Variants in SPRY3 observed in about 807,000 individuals in gnomAD.
The protein encoded by SPRY3 is protein sprouty homolog 3.
SPRY3 carries 15 observed loss-of-function variants against 20.2 expected under a neutral mutation model. The observed-to-expected ratio is 0.74, with a 90% confidence interval of 0.50 to 1.14. The LOEUF (loss-of-function observed/expected upper bound fraction) is 1.14, where lower values mean the gene tolerates loss of function less well. Among genes scored for constraint, SPRY3 ranks in the 50% most tolerant of loss-of-function variants. The pLI, the probability that SPRY3 is intolerant of heterozygous loss-of-function variation, is 0.00. For missense variants in SPRY3, 364 were observed against 363.9 expected (o/e 1.00, Z 0.00); for synonymous variants, 143 against 136.5 (o/e 1.05, Z -0.33).
chrX:155,774,672 C>T (rs1458007760), exon 4 of SPRY3: 3 of 1,613,950 alleles, frequency 1.9e-6, no homozygotes, highest in Non-Finnish European at 2.5e-6. Context: ...GGCACACCAA[C>T]ACTGTGTGCA....
At chrX:155,777,109 C>G (rs1315924971), downstream of SPRY3, 1 of 166,954 alleles carries the variant, frequency 6.0e-6, no homozygotes, top group Non-Finnish European at 1.5e-5. Flanking sequence ...TTGTACTTTA[C>G]ACTTATCTAC....
At chrX:155,730,922 A>G (rs2091128676) in intron 2 of SPRY3, among the ~76,000 whole-genome samples, 4 of 152,124 alleles carry the variant, frequency 2.6e-5, no homozygotes, top group Non-Finnish European at 5.9e-5. Flanking sequence ...AATAGCTACA[A>G]GTAAAATCAA....
At chrX:155,697,158 A>G (rs1470353540) in intron 2 of SPRY3, among the ~76,000 whole-genome samples, 2 of 111,286 alleles carry the variant, frequency 1.8e-5, no homozygotes, top group African/African-American at 6.5e-5. Context: ...GGGTGTTTCG[A>G]CATGAGGTTA....
At chrX:155,728,244 T>A (rs2091112354) in intron 2 of SPRY3, among the ~76,000 whole-genome samples, 1 of 152,040 alleles carries the variant, frequency 6.6e-6, no homozygotes, top group Non-Finnish European at 1.5e-5. Context: ...TACTGGGAGG[T>A]GTCTCCTAGT....
At chrX:155,749,039 T>C (rs1038620599) in intron 2 of SPRY3, among the ~76,000 whole-genome samples, 1 of 151,762 alleles carries the variant, frequency 6.6e-6, no homozygotes, top group African/African-American at 2.4e-5. Flanking sequence ...TATGGATAAA[T>C]AGGATTTAGA....
At chrX:155,770,707 G>C (rs1327821616) in intron 3 of SPRY3, among the ~76,000 whole-genome samples, 1 of 151,464 alleles carries the variant, frequency 6.6e-6, no homozygotes, top group Non-Finnish European at 1.5e-5. Flanking sequence ...AACTGTTGCT[G>C]CTCACAATGA....
downstream of SPRY3, chrX:155,780,761 A>G (rs1484854841): frequency 6.0e-6 from 1 of 166,968 alleles, no homozygotes; most frequent in Non-Finnish European, 1.5e-5. Context: ...AAGACCTCCC[A>G]AAGAGGAGAA....
At chrX:155,738,363 C>A (rs2091182865) in intron 2 of SPRY3, among the ~76,000 whole-genome samples, 1 of 151,406 alleles carries the variant, frequency 6.6e-6, no homozygotes, top group Non-Finnish European at 1.5e-5. Flanking sequence ...AAAAATCAAA[C>A]AATCCAATTA....
intron 2 of SPRY3, among the ~76,000 whole-genome samples, chrX:155,661,653 C>G (rs782024211): frequency 1.8e-5 from 2 of 111,363 alleles, no homozygotes; most frequent in African/African-American, 3.3e-5. Flanking sequence ...TTCTTCTTCT[C>G]CATCAGGAAT....
At chrX:155,619,515 C>G (rs1557349228) in intron 1 of SPRY3, among the ~76,000 whole-genome samples, 2 of 110,745 alleles carry the variant, frequency 1.8e-5, no homozygotes, top group African/African-American at 6.5e-5. Flanking sequence ...ACCTCAAACT[C>G]TACCTCATAC....
rs200199749 is a variant in SPRY3 at position 155,613,802 on chromosome X, AT to A, written c.-441+1163del. Among the ~76,000 whole-genome samples, 1,032 of 109,974 alleles carry A rather than the reference AT, an allele frequency of 9.4e-3. 11 individuals are homozygous for A. Among genetic ancestry groups the A allele is most frequent in the Non-Finnish European group, 0.016 (839 of 52,634 alleles). On this transcript the variant is annotated intron_variant, in intron 1 of 3. Coordinates refer to ENST00000675360, the Ensembl canonical transcript of SPRY3. ...CTGTCTTTCCCAGATAAGTTTGTAT[AT>A]TTTTTTTCCCTAGGTCCAGTATGCC...
At chrX:155,660,591 G>A (rs782390567) in intron 2 of SPRY3, among the ~76,000 whole-genome samples, 59 of 111,125 alleles carry the variant, frequency 5.3e-4, no homozygotes, top group Admixed American at 1.6e-3. Context: ...TTTCTGCCTC[G>A]GTGATCTGTC....
chrX:155,662,793 C>G (rs1319362777), intron 2 of SPRY3, among the ~76,000 whole-genome samples: 1 of 109,087 alleles, frequency 9.2e-6, no homozygotes, highest in Non-Finnish European at 1.9e-5. Flanking sequence ...GGTTCAAATG[C>G]CTGTAAGGGA....
At chrX:155,732,104 C>A (rs757585753) in intron 2 of SPRY3, among the ~76,000 whole-genome samples, 5 of 151,756 alleles carry the variant, frequency 3.3e-5, no homozygotes, top group Non-Finnish European at 2.9e-5. Flanking sequence ...AGTTTTTGGC[C>A]GAAGATTCAT....
At chrX:155,672,039 G>T (rs1490428998) in intron 2 of SPRY3, among the ~76,000 whole-genome samples, 1 of 111,400 alleles carries the variant, frequency 9.0e-6, no homozygotes, top group Non-Finnish European at 1.9e-5. Flanking sequence ...ATGCTGTTTT[G>T]GTTACTGTAG....
downstream of SPRY3, chrX:155,777,761 C>T (rs2091438537): frequency 6.1e-6 from 1 of 165,098 alleles, no homozygotes; most frequent in Admixed American, 6.7e-5. Flanking sequence ...TGTGTCATGT[C>T]CTGTATAAAC....
intron 2 of SPRY3, among the ~76,000 whole-genome samples, chrX:155,751,830 A>C (rs1374559176): frequency 6.6e-6 from 1 of 151,526 alleles, no homozygotes; most frequent in African/African-American, 2.4e-5. Context: ...AAAAAAAGGA[A>C]ATTGTATGAA....
intron 2 of SPRY3, among the ~76,000 whole-genome samples, chrX:155,725,477 A>T (rs777403992): frequency 2.6e-5 from 4 of 152,192 alleles, no homozygotes; most frequent in Admixed American, 2.6e-4. Context: ...TGGGCTATTA[A>T]TTATTGCTTC....
chrX:155,695,392 T>C (rs942719655), intron 2 of SPRY3, among the ~76,000 whole-genome samples: 13 of 111,514 alleles, frequency 1.2e-4, no homozygotes, highest in African/African-American at 2.9e-4. Flanking sequence ...CACTGTTCTC[T>C]AGATGCTTTT....
Sources: allele counts gnomAD v4.1 joint callset (sites outside exome capture counted in the v4.1 genomes callset), GRCh38; gene constraint gnomAD v4.1.1; transcripts MANE v1.5; gene names NCBI Gene and HGNC (gene_info 2026-07-23, HGNC 2026-07-21).